Variants in SLC35B1 observed in about 807,000 individuals in gnomAD.
The protein encoded by SLC35B1 is solute carrier family 35 member B1.
SLC35B1 carries 27 observed loss-of-function variants against 36.6 expected under a neutral mutation model. That is an observed-to-expected ratio of 0.74 (90% CI 0.54 to 1.02). SLC35B1 has a LOEUF of 1.02. Among genes scored for constraint, SLC35B1 ranks in the 50% least tolerant of loss-of-function variants. The pLI, the probability that SLC35B1 is intolerant of heterozygous loss-of-function variation, is 0.00. For synonymous variants in SLC35B1, 162 were observed against 152.5 expected (o/e 1.06, Z -0.46); for missense variants, 321 against 383.2 (o/e 0.84, Z 1.35).
chr17:49,705,066 G>C, intron 5 of SLC35B1, 58 bp downstream of exon 5: 1 of 1,581,556 alleles, frequency 6.3e-7, no homozygotes, highest in South Asian at 1.1e-5. Flanking sequence ...GCCTAGGTGA[G>C]ACTATCCTTT....
Position 49,701,301 on chromosome 17 carries a change from A to G in SLC35B1, c.*157T>C, listed in dbSNP as rs1342466305. 7 of 623,718 alleles carry G rather than the reference A, an allele frequency of 1.1e-5. No individual in the cohort carries two copies. The highest frequency in any genetic ancestry group is 1.9e-5 in the African/African-American group (1 of 54,020). 38.6% of individuals were successfully genotyped at this position (623,718 alleles called of 1,614,324 possible). On this transcript the variant is annotated 3_prime_UTR_variant, in exon 9 of 9. Transcript: ENST00000240333. ...CACCACTCTGTCTTGTTAAAATCCA[A>G]GTGCATTTTTTAGAATATGTGATTT...
chr17:49,704,132 A>C lies in SLC35B1; in HGVS notation c.623T>G (p.Ile208Ser). The C allele has an allele frequency of 6.2e-7, 1 of 1,614,178 alleles. No individual in the cohort carries two copies. Among genetic ancestry groups the C allele is most frequent in the South Asian group, 1.1e-5 (1 of 91,088 alleles). The change falls in exon 6 of 9, where the codon ATC becomes AGC. Residue 208 changes from isoleucine to serine, a missense_variant. Transcript: ENST00000240333. ...CAGCAGCAATGTCGACCAAAGGTTG[A>C]TGTTCAGCATCATGTGGTTGGAGCC... ...QTGSNHMMLN[I>S]NLWSTLLLGM...
chr17:49,702,727 CAA>C (rs1024991567), intron 8 of SLC35B1, 129 bp downstream of exon 8: 6 of 1,001,388 alleles, frequency 6.0e-6, no homozygotes, highest in African/African-American at 3.3e-5. Flanking sequence ...GCCTGGGCAA[CAA>C]GAGCGAAACT....
At position 49,706,346 on chromosome 17, in the gene SLC35B1, C is replaced by CAAAAA. The variant is rs61136804; in HGVS notation, c.209-17_209-13dup. The stretch of plus-strand genomic sequence containing the variant: ...AAAAAACTGGATCACTGGGAGAAGA[C>CAAAAA]AAAAAAAAAAAAAAAAAAAGAAAAG... On this transcript the variant is annotated splice_polypyrimidine_tract_variant and intron_variant, in intron 2 of 8. Transcript: ENST00000240333. 1,325 of 733,350 alleles carry CAAAAA rather than the reference C, an allele frequency of 1.8e-3. No individual in the cohort carries two copies. The highest frequency in any genetic ancestry group is 8.6e-3 in the African/African-American group (267 of 30,990). 45.4% of individuals were successfully genotyped at this position (733,350 alleles called of 1,614,324 possible). A position where few individuals can be genotyped will look rare whatever the true frequency, so the allele number is the denominator to read the frequency against.
At chr17:49,706,366 G>GAAAAAAAAAAAAAAAAAAAAAAAA in intron 2 of SLC35B1, 32 bp from the exon 3 acceptor site, 1 of 455,182 alleles carries the variant, frequency 2.2e-6, no homozygotes, top group Non-Finnish European at 2.9e-6. Flanking sequence ...AAAAAAAAAA[G>GAAAAAAAAAAAAAAAAAAAAAAAA]AAAAGAAAAG....
At chr17:49,701,900 G>A (rs1165179308) in intron 8 of SLC35B1, 4 of 375,910 alleles carry the variant, frequency 1.1e-5, no homozygotes, top group Non-Finnish European at 2.1e-5. Context: ...GGCCAGCCTA[G>A]GCAACACAGC....
intron 8 of SLC35B1, 119 bp from the exon 9 acceptor site, chr17:49,701,629 A>G: frequency 1.4e-6 from 1 of 723,040 alleles, no homozygotes; most frequent in Non-Finnish European, 2.5e-6. Flanking sequence ...AATAAAATAC[A>G]TGTCAGAACA....
chr17:49,701,926 C>CAAAAAAA, intron 8 of SLC35B1: 3 of 254,574 alleles, frequency 1.2e-5, no homozygotes, highest in East Asian at 1.2e-4. Flanking sequence ...CCCATCGCTA[C>CAAAAAAA]AAAAAAAAAA....
Position 49,707,822 on chromosome 17 carries a change from G to C in SLC35B1, c.12C>G (p.Ser4Arg). ...GCAGCCGGTCGGGCACCAGGGAGCT[G>C]CTAGAGGCCATGAGACGCCCAGAGG... is the stretch of plus-strand genomic sequence containing the variant. MAS[S>R]SSLVPDRLRL... Residue 4 changes from serine to arginine, a missense_variant, in exon 1 of 9, where the codon AGC (serine) becomes AGG (arginine). Transcript: ENST00000240333. 6.2e-7 allele frequency: 1 copy of C among 1,611,958 alleles called. No homozygotes were observed. Among genetic ancestry groups the C allele is most frequent in the South Asian group, 1.1e-5 (1 of 90,988 alleles).
At chr17:49,706,361 A>AAG in intron 2 of SLC35B1, 27 bp from the exon 3 acceptor site, 5 of 1,253,680 alleles carry the variant, frequency 4.0e-6, no homozygotes, top group African/African-American at 1.6e-5. Context: ...AAAAAAAAAA[A>AAG]AAAAGAAAAG....
Position 49,707,930 on chromosome 17 carries a change from C to G in SLC35B1, c.-97G>C, listed in dbSNP as rs750902303. Reference sequence around the variant, plus strand: ...GCTCCAGCCGGACATCGCCGACCGGCGGCAGGGGCCTCATAGGAGCTGCAT... The same window carrying G: ...GCTCCAGCCGGACATCGCCGACCGGGGGCAGGGGCCTCATAGGAGCTGCAT... On this transcript the variant is annotated 5_prime_UTR_variant, in exon 1 of 9. Coordinates refer to ENST00000240333, the MANE Select transcript of SLC35B1 (RefSeq NM_005827.4). 4 of 1,564,200 alleles carry G rather than the reference C, an allele frequency of 2.6e-6. No homozygotes were observed. Among genetic ancestry groups the G allele is most frequent in the Non-Finnish European group, 3.5e-6 (4 of 1,154,336 alleles).
In SLC35B1 at chr17:49,707,724, G is replaced by C. The variant is rs2143669239; in HGVS notation, c.104+6C>G. ...AGACTGTCGGCCCGCCCCCGGGGTC[G>C]CTCACATCTTTTCCTGCAGGATCCC... On this transcript the variant is annotated splice_donor_region_variant and intron_variant, in intron 1 of 8. Coordinates refer to ENST00000240333, the MANE Select transcript of SLC35B1 (RefSeq NM_005827.4). 1 of 1,610,850 alleles carries C rather than the reference G, an allele frequency of 6.2e-7. No individual in the cohort carries two copies. The highest frequency in any genetic ancestry group is 1.7e-5 in the Admixed American group (1 of 59,932).
At chr17:49,707,191 TG>T in intron 1 of SLC35B1, 123 bp from the exon 2 acceptor site, 1 of 1,320,500 alleles carries the variant, frequency 7.6e-7, no homozygotes, top group South Asian at 1.3e-5. Context: ...AGGCAGAGTT[TG>T]TTAAGGACCA....
chr17:49,703,342 A>T (rs2073375224), intron 6 of SLC35B1, 48 bp from the exon 7 acceptor site: 9 of 934,754 alleles, frequency 9.6e-6, no homozygotes, highest in South Asian at 2.6e-5. Flanking sequence ...TGCACACAAA[A>T]TGTGCGCACA....
At chr17:49,706,724 G>A (rs2073423874) in intron 2 of SLC35B1, among the ~76,000 whole-genome samples, 2 of 152,212 alleles carry the variant, frequency 1.3e-5, no homozygotes, top group Non-Finnish European at 2.9e-5. Context: ...TGGGGATTTG[G>A]AATATAGAAG....
At chr17:49,708,182 C>T (rs1299672015), upstream of SLC35B1, 13 of 649,068 alleles carry the variant, frequency 2.0e-5, no homozygotes, top group Non-Finnish European at 3.6e-5. Flanking sequence ...CGACCCAGAG[C>T]ACCACAGGGT....
At chr17:49,707,639 C>A (rs565720549) in intron 1 of SLC35B1, 91 bp downstream of exon 1, 40 of 1,492,114 alleles carry the variant, frequency 2.7e-5, no homozygotes, top group Non-Finnish European at 3.5e-5. Flanking sequence ...GGCAGGAGGA[C>A]AAGAGGAAAG....
At chr17:49,707,516 A>G in intron 1 of SLC35B1, 1 of 1,490,548 alleles carries the variant, frequency 6.7e-7, no homozygotes. Flanking sequence ...AACAGCTAAG[A>G]AAAGAAAATA....
intron 2 of SLC35B1, 42 bp from the exon 3 acceptor site, chr17:49,706,376 GAAA>G (rs376610823): frequency 2.5e-5 from 13 of 517,108 alleles, no homozygotes; most frequent in East Asian, 7.6e-5. Context: ...GAAAAGAAAA[GAAA>G]AAAAAAAAAA....
Sources: gnomAD v4.1 joint callset for allele counts (sites outside exome capture counted in the v4.1 genomes callset) on GRCh38, gnomAD v4.1.1 for gene constraint, MANE v1.5 for transcripts, NCBI Gene and HGNC (gene_info 2026-07-23, HGNC 2026-07-21) for gene names.